GSTCD: variants seen among roughly 807,000 people sequenced by gnomAD.
The protein encoded by GSTCD is glutathione S-transferase C-terminal domain-containing protein.
In GSTCD, 44 loss-of-function variants were observed where a neutral mutation model predicts 68.3. The observed-to-expected ratio is 0.64, with a 90% confidence interval of 0.51 to 0.83. The LOEUF is 0.83. GSTCD is among the 40% of genes least tolerant of loss of function. The probability of loss-of-function intolerance (pLI) is 0.00; values close to 1 mark genes in which losing one functional copy is unlikely to be tolerated. For missense variants in GSTCD, 739 were observed against 735.9 expected (o/e 1.00, Z -0.05); for synonymous variants, 273 against 255.2 (o/e 1.07, Z -0.67).
chr4:105,739,228 T>G (rs147350688), intron 5 of GSTCD, among the ~76,000 whole-genome samples: 1 of 152,364 alleles, frequency 6.6e-6, no homozygotes, highest in African/African-American at 2.4e-5. Flanking sequence ...CTGTTGGATT[T>G]TCTGTTTGCT....
intron 8 of GSTCD, among the ~76,000 whole-genome samples, chr4:105,833,988 G>C (rs1389211676): frequency 6.6e-6 from 1 of 152,188 alleles, no homozygotes; most frequent in East Asian, 1.9e-4. Flanking sequence ...ATACAGCCCT[G>C]ATTAGATTAT....
intron 1 of GSTCD, among the ~76,000 whole-genome samples, chr4:105,716,856 T>TC (rs1732696108): frequency 1.3e-5 from 2 of 152,014 alleles, no homozygotes; most frequent in Admixed American, 1.3e-4. Context: ...ATCAAGGAGA[T>TC]TTTTGTAGGC....
At chr4:105,807,736 C>T (rs1389114448) in intron 5 of GSTCD, among the ~76,000 whole-genome samples, 2 of 152,010 alleles carry the variant, frequency 1.3e-5, no homozygotes, top group Non-Finnish European at 2.9e-5. Context: ...CAGTTTGACA[C>T]ATTGTTTGTG....
chr4:105,724,898 ACT>A (rs1354030304), intron 3 of GSTCD, among the ~76,000 whole-genome samples: 1 of 151,978 alleles, frequency 6.6e-6, no homozygotes, highest in Non-Finnish European at 1.5e-5. Context: ...TGTCCAATTA[ACT>A]CTCTATATGC....
chr4:105,777,372 A>G (rs945397308), intron 5 of GSTCD, among the ~76,000 whole-genome samples: 2 of 152,128 alleles, frequency 1.3e-5, no homozygotes, highest in African/African-American at 2.4e-5. Flanking sequence ...ACTAGTTTCT[A>G]TTTCTCATGT....
chr4:105,756,771 G>T (rs1185375705), intron 5 of GSTCD, among the ~76,000 whole-genome samples: 1 of 151,992 alleles, frequency 6.6e-6, no homozygotes, highest in Non-Finnish European at 1.5e-5. Context: ...TGGAAATTCA[G>T]AGCCAGGAGA....
At chr4:105,785,518 A>T (rs949574162) in intron 5 of GSTCD, among the ~76,000 whole-genome samples, 4 of 152,182 alleles carry the variant, frequency 2.6e-5, no homozygotes, top group African/African-American at 7.2e-5. Context: ...TTGTTCAATG[A>T]GTTGTGAAAT....
chr4:105,723,805 A>C (rs928159523), intron 3 of GSTCD, among the ~76,000 whole-genome samples: 1 of 151,774 alleles, frequency 6.6e-6, no homozygotes, highest in Non-Finnish European at 1.5e-5. Context: ...TACTATGTTG[A>C]TTTCACAACC....
intron 11 of GSTCD, among the ~76,000 whole-genome samples, chr4:105,844,672 A>G (rs1724482913): frequency 6.6e-6 from 1 of 152,250 alleles, no homozygotes; most frequent in Non-Finnish European, 1.5e-5. Context: ...AAGCTTATAT[A>G]TTGAATTTAA....
intron 5 of GSTCD, among the ~76,000 whole-genome samples, chr4:105,738,026 C>CT (rs1051254319): frequency 9.8e-5 from 15 of 152,338 alleles, no homozygotes; most frequent in African/African-American, 3.6e-4. Flanking sequence ...TATGTGATGC[C>CT]TGCTCCCTTT....
At chr4:105,736,185 T>C (rs1733457422) in intron 5 of GSTCD, among the ~76,000 whole-genome samples, 2 of 152,170 alleles carry the variant, frequency 1.3e-5, no homozygotes, top group South Asian at 2.1e-4. Flanking sequence ...GTACTTGTTA[T>C]TTCTAATACT....
intron 5 of GSTCD, among the ~76,000 whole-genome samples, chr4:105,780,469 G>A (rs971991108): frequency 6.6e-6 from 1 of 152,138 alleles, no homozygotes; most frequent in African/African-American, 2.4e-5. Context: ...ACTATATCCT[G>A]TTCCCCAGCT....
At chr4:105,722,848 G>A (rs1396065739) in intron 3 of GSTCD, among the ~76,000 whole-genome samples, 1 of 151,402 alleles carries the variant, frequency 6.6e-6, no homozygotes, top group African/African-American at 2.4e-5. Flanking sequence ...TAACTATTTG[G>A]TAATCATTCC....
chr4:105,813,799 T>G (rs185685233), intron 5 of GSTCD, among the ~76,000 whole-genome samples: 1 of 152,330 alleles, frequency 6.6e-6, no homozygotes, highest in Non-Finnish European at 1.5e-5. Context: ...TTCAGTTACC[T>G]GCTCAATGAT....
At chr4:105,836,074 T>G (rs1469166201) in intron 9 of GSTCD, among the ~76,000 whole-genome samples, 2 of 148,214 alleles carry the variant, frequency 1.3e-5, no homozygotes, top group African/African-American at 5.0e-5. Context: ...AGATCCAGAG[T>G]GGGTAGCTTC....
chr4:105,736,054 T>C (rs1451128130), intron 5 of GSTCD, among the ~76,000 whole-genome samples: 1 of 152,212 alleles, frequency 6.6e-6, no homozygotes, highest in African/African-American at 2.4e-5. Context: ...GCTAAATGAT[T>C]ATATTTTTCT....
chr4:105,825,255 G>A (rs899649148), intron 7 of GSTCD, among the ~76,000 whole-genome samples: 12 of 151,988 alleles, frequency 7.9e-5, no homozygotes, highest in Non-Finnish European at 1.3e-4. Context: ...TCTGCCTCCC[G>A]AATAACTGGG....
intron 5 of GSTCD, among the ~76,000 whole-genome samples, chr4:105,767,324 G>C (rs1324381624): frequency 1.3e-5 from 2 of 152,112 alleles, no homozygotes; most frequent in African/African-American, 2.4e-5. Context: ...AGTTCACTAT[G>C]TATGGAGAAA....
At chr4:105,828,247 GT>G (rs1335796291) in intron 8 of GSTCD, among the ~76,000 whole-genome samples, 1 of 152,012 alleles carries the variant, frequency 6.6e-6, no homozygotes, top group East Asian at 1.9e-4. Flanking sequence ...TTTAATTATT[GT>G]TTATCACTCA....
Sources: allele counts gnomAD v4.1 joint callset (sites outside exome capture counted in the v4.1 genomes callset), GRCh38; gene constraint gnomAD v4.1.1; transcripts MANE v1.5; gene names NCBI Gene and HGNC (gene_info 2026-07-23, HGNC 2026-07-21).